CELF1: variants seen among roughly 807,000 people sequenced by gnomAD.
CELF1 encodes the protein 50 kDa nuclear polyadenylated RNA-binding protein.
Under a neutral mutation model 61.8 loss-of-function variants are expected in CELF1, and 10 were observed. The ratio of observed to expected loss-of-function variants is 0.16; its 90% CI spans 0.10 to 0.27. The LOEUF is 0.27. CELF1 is among the 10% of genes least tolerant of loss of function. CELF1 has a pLI of 1.00. For missense variants in CELF1, 380 were observed against 639.1 expected (o/e 0.59, Z 4.37); for synonymous variants, 236 against 225.1 (o/e 1.05, Z -0.43).
At chr11:47,540,249 G>A (rs2096739507) in intron 1 of CELF1, among the ~76,000 whole-genome samples, 1 of 152,166 alleles carries the variant, frequency 6.6e-6, no homozygotes, top group African/African-American at 2.4e-5. Flanking sequence ...AAAAAGATTA[G>A]CTGTGCACTA....
intron 9 of CELF1, among the ~76,000 whole-genome samples, chr11:47,480,446 T>C (rs750080563): frequency 6.6e-6 from 1 of 152,214 alleles, no homozygotes; most frequent in African/African-American, 2.4e-5. Flanking sequence ...CGGTGAATAC[T>C]GTACTTGGTC....
chr11:47,485,602 GAC>G (rs1027527111), intron 6 of CELF1, among the ~76,000 whole-genome samples: 23 of 145,004 alleles, frequency 1.6e-4, no homozygotes, highest in African/African-American at 5.9e-4. Flanking sequence ...TTTTTTTTGA[GAC>G]AGAGTCTTGC....
At chr11:47,486,160 C>CAAAAAAAAAAAAAAAAAA (rs375593179) in intron 6 of CELF1, among the ~76,000 whole-genome samples, 1 of 82,710 alleles carries the variant, frequency 1.2e-5, no homozygotes, top group Non-Finnish European at 2.4e-5. Context: ...GACTCCATCT[C>CAAAAAAAAAAAAAAAAAA]AAAAAAAAAA....
chr11:47,478,914 C>G lies in CELF1; in HGVS notation c.807G>C (p.Gly269=). The G allele has an allele frequency of 6.2e-7, 1 of 1,613,154 alleles. No individual in the cohort carries two copies. Among genetic ancestry groups the G allele is most frequent in the Non-Finnish European group, 8.5e-7 (1 of 1,179,630 alleles). Residue 269 remains glycine (G), a synonymous_variant, in exon 10 of 15, where the codon GGG becomes GGC. Coordinates refer to ENST00000687097, the MANE Select transcript of CELF1 (RefSeq NM_001376376.1). ...LQLLQQTASS[G]NLNTLSSLHP... ...GGAGGCTGCTCAGGGTGTTGAGGTT[C>G]CCAGAGGAGGCAGTCTGCTGAAGGA...
Position 47,553,056 on chromosome 11 carries a change from C to G in CELF1, c.-218G>C, listed in dbSNP as rs1470889702. On this transcript the variant is annotated 5_prime_UTR_variant, in exon 1 of 15. Coordinates refer to ENST00000687097, the MANE Select transcript of CELF1 (RefSeq NM_001376376.1). ...CCTGCGCCTCCGCAGCCGCCGCCGC[C>G]GCCTCGCTGCTGAGGCCGAATCCCG... is the stretch of plus-strand genomic sequence containing the variant. 7.5e-6 allele frequency: 3 copies of G among 400,896 alleles called. No homozygotes were observed. The highest frequency in any genetic ancestry group is 1.3e-5 in the Non-Finnish European group (3 of 228,206). 24.8% of individuals were successfully genotyped at this position (400,896 alleles called of 1,614,324 possible).
chr11:47,565,525 A>C, upstream of CELF1: 2 of 1,043,426 alleles, frequency 1.9e-6, no homozygotes, highest in Non-Finnish European at 2.4e-6. Context: ...CGAGAGGCCT[A>C]GTGCAGCTGG....
intron 3 of CELF1, among the ~76,000 whole-genome samples, chr11:47,497,160 C>T (rs2093272172): frequency 6.6e-6 from 1 of 152,128 alleles, no homozygotes; most frequent in Non-Finnish European, 1.5e-5. Flanking sequence ...GTGGGGAAGT[C>T]TCTAGATGAA....
chr11:47,486,628 C>A, intron 6 of CELF1, 122 bp downstream of exon 6: 1 of 760,948 alleles, frequency 1.3e-6, no homozygotes, highest in Non-Finnish European at 2.3e-6. Flanking sequence ...CAGACTGGCT[C>A]GAACTCCGGC....
chr11:47,504,347 A>G (rs1181442565), intron 1 of CELF1, among the ~76,000 whole-genome samples: 2 of 152,242 alleles, frequency 1.3e-5, no homozygotes, highest in African/African-American at 4.8e-5. Context: ...GCACTTTGGG[A>G]GGCCAAGGCA....
intron 1 of CELF1, among the ~76,000 whole-genome samples, chr11:47,517,157 G>C (rs2095600090): frequency 6.6e-6 from 1 of 150,556 alleles, no homozygotes; most frequent in South Asian, 2.1e-4. Context: ...TGAGGCGGGA[G>C]AATCACTTGA....
At chr11:47,476,392 G>A (rs1208364478) in intron 12 of CELF1, among the ~76,000 whole-genome samples, 2 of 152,224 alleles carry the variant, frequency 1.3e-5, no homozygotes, top group South Asian at 4.1e-4. Flanking sequence ...GCTAGCTAAC[G>A]GACACAGGTG....
At chr11:47,553,335 G>A (rs2097188855), upstream of CELF1, among the ~76,000 whole-genome samples, 1 of 152,252 alleles carries the variant, frequency 6.6e-6, no homozygotes, top group African/African-American at 2.4e-5. Flanking sequence ...CTAAGCCCCT[G>A]GGGCCGCGGG....
chr11:47,545,109 A>C lies in CELF1; in HGVS notation c.-154+7883T>G, dbSNP rs138685936. On this transcript the variant is annotated intron_variant, in intron 1 of 14. Transcript: ENST00000687097. ...ATCAGCCTGGCCAAGCCTGGCCAAC[A>C]TGGCGAAACCCCATCTCTAATAAAA... 7.4e-3 allele frequency among the ~76,000 whole-genome samples: 1,129 copies of C among 152,284 alleles called. 13 individuals are homozygous for C. The highest frequency in any genetic ancestry group is 0.025 in the African/African-American group (1,058 of 41,566).
intron 1 of CELF1, among the ~76,000 whole-genome samples, chr11:47,539,810 T>C (rs2096729570): frequency 6.6e-6 from 1 of 152,216 alleles, no homozygotes; most frequent in South Asian, 2.1e-4. Flanking sequence ...GCATTTCTCA[T>C]CTATGCTTCT....
upstream of CELF1, among the ~76,000 whole-genome samples, chr11:47,557,221 G>GTTTT (rs932737272): frequency 6.8e-6 from 1 of 146,438 alleles, no homozygotes; most frequent in African/African-American, 2.5e-5. Flanking sequence ...TGTTTGTTTT[G>GTTTT]TTTTGTTTTT....
rs537190237 is a variant in CELF1 at position 47,558,200 on chromosome 11, C to T, written c.-11+6151G>A. Among the ~76,000 whole-genome samples the T allele has an allele frequency of 3.9e-5, 6 of 151,926 alleles. 1 individual carries two copies. Among genetic ancestry groups the T allele is most frequent in the African/African-American group, 1.4e-4 (6 of 41,444 alleles). On this transcript the variant is annotated intron_variant, in intron 2 of 3. Coordinates refer to the CELF1 transcript ENST00000525841. ...GCCTGGTTACATTCAGGCGGTGCTG[C>T]GAGCGTCACACTGCATCACATCTGG... is the stretch of plus-strand genomic sequence containing the variant.
intron 1 of CELF1, among the ~76,000 whole-genome samples, chr11:47,515,919 C>CTTAT (rs111489300): frequency 0.016 from 2,410 of 152,138 alleles, 50 homozygotes; most frequent in African/African-American, 0.048. Context: ...TTATTATTTA[C>CTTAT]TTATTTATTT....
intron 3 of CELF1, among the ~76,000 whole-genome samples, chr11:47,494,119 T>C (rs1488676291): frequency 6.6e-6 from 1 of 152,260 alleles, no homozygotes; most frequent in African/African-American, 2.4e-5. Context: ...CTGTCATTCC[T>C]AAGAGGCAAG....
intron 1 of CELF1, among the ~76,000 whole-genome samples, chr11:47,564,974 C>A (rs532684568): frequency 3.9e-5 from 6 of 152,150 alleles, no homozygotes; most frequent in Admixed American, 1.3e-4. Context: ...AAGGAGGGAG[C>A]CCTGCCCTAG....
Sources: gnomAD v4.1 joint callset for allele counts (sites outside exome capture counted in the v4.1 genomes callset) on GRCh38, gnomAD v4.1.1 for gene constraint, MANE v1.5 for transcripts, NCBI Gene and HGNC (gene_info 2026-07-23, HGNC 2026-07-21) for gene names.